Variants in PCDHGA5 observed in about 807,000 individuals in gnomAD.
PCDHGA5 encodes the protein protocadherin gamma-A5.
PCDHGA5 carries 36 observed loss-of-function variants against 56.7 expected under a neutral mutation model. That is an observed-to-expected ratio of 0.64 (90% CI 0.49 to 0.84). The LOEUF (loss-of-function observed/expected upper bound fraction) is 0.84. PCDHGA5 is among the 40% of genes least tolerant of loss of function. PCDHGA5 has a pLI of 0.00. For missense variants in PCDHGA5, 1,305 were observed against 1,201.5 expected (o/e 1.09, Z -1.27); for synonymous variants, 563 against 520.2 (o/e 1.08, Z -1.12).
At chr5:141,395,508 A>G (rs1313015738) in intron 1 of PCDHGA5, 3 of 461,062 alleles carry the variant, frequency 6.5e-6, no homozygotes, top group Non-Finnish European at 1.1e-5. Flanking sequence ...CTTAAGAAGT[A>G]GCTACCCGTC....
chr5:141,469,314 C>T (rs982242861), intron 1 of PCDHGA5, among the ~76,000 whole-genome samples: 3 of 152,100 alleles, frequency 2.0e-5, no homozygotes, highest in Admixed American at 1.3e-4. Context: ...CGATGGCTCA[C>T]GCCTGTAATC....
chr5:141,487,684 C>G lies in PCDHGA5; in HGVS notation c.2422-7123C>G. On this transcript the variant is annotated intron_variant, in intron 1 of 3. Coordinates refer to ENST00000518069, the MANE Select transcript of PCDHGA5 (RefSeq NM_018918.3). The surrounding 1 kb of genome is among the most constrained non-coding windows in gnomAD (Gnocchi z 5.0). ...ATCCAGGCATATGGCTAGGCCATGT[C>G]CTAGAGAGTACTGGCCTCTCAGTAA... is the stretch of plus-strand genomic sequence containing the variant. The G allele has an allele frequency of 6.2e-7, 1 of 1,607,562 alleles. No individual in the cohort carries two copies. Among genetic ancestry groups the G allele is most frequent in the East Asian group, 2.2e-5 (1 of 44,768 alleles).
In PCDHGA5 at chr5:141,418,448, C is replaced by T. The variant is rs1240295197; in HGVS notation, c.2421+51697C>T. On this transcript the variant is annotated intron_variant, in intron 1 of 3. Transcript: ENST00000518069. ...TGGCAAATATCCAGAATTAGTATTG[C>T]AGAAGACTCTGGACCGAGAAACGCA... 1.9e-6 allele frequency: 3 copies of T among 1,613,850 alleles called. No homozygotes were observed. The African/African-American group carries it at 4.0e-5, about 22-fold the overall frequency.
intron 1 of PCDHGA5, among the ~76,000 whole-genome samples, chr5:141,406,791 C>T (rs893207613): frequency 2.0e-5 from 3 of 152,182 alleles, no homozygotes; most frequent in Non-Finnish European, 4.4e-5. Context: ...TATATTATTT[C>T]TGGCTCAATT....
rs1283050252 is a variant in PCDHGA5, at chr5:141,512,909, T to G, written c.*1736T>G. ...CCTCTTCCTGTGTCTCACGCAAGTT[T>G]TATACTCTAATATTTATATGGCTTT... On this transcript the variant is annotated 3_prime_UTR_variant, in exon 4 of 4. Coordinates refer to ENST00000518069, the MANE Select transcript of PCDHGA5 (RefSeq NM_018918.3). 6.6e-6 allele frequency: 1 copy of G among 152,268 alleles called. No homozygotes were observed. The highest frequency in any genetic ancestry group is 1.5e-5 in the Non-Finnish European group (1 of 68,056). 9.4% of individuals were successfully genotyped at this position (152,268 alleles called of 1,614,324 possible).
At chr5:141,437,778 G>C (rs750813139) in intron 1 of PCDHGA5, among the ~76,000 whole-genome samples, 1 of 146,836 alleles carries the variant, frequency 6.8e-6, no homozygotes, top group Non-Finnish European at 1.5e-5. Flanking sequence ...TCAATCTGTC[G>C]CCAAGCTGGA....
chr5:141,464,180 G>T (rs1251683320), intron 1 of PCDHGA5, among the ~76,000 whole-genome samples: 1 of 151,340 alleles, frequency 6.6e-6, no homozygotes, highest in Non-Finnish European at 1.5e-5. Flanking sequence ...CAGGAGAATT[G>T]CTTGATTTCA....
intron 1 of PCDHGA5, among the ~76,000 whole-genome samples, chr5:141,455,899 ATTT>A (rs1561962776): frequency 1.3e-5 from 2 of 148,258 alleles, no homozygotes; most frequent in Non-Finnish European, 3.0e-5. Flanking sequence ...TTATTTATTT[ATTT>A]ATTTATTTAT....
chr5:141,367,545 T>TAAAA (rs1466224811), intron 1 of PCDHGA5: 1 of 145,462 alleles, frequency 6.9e-6, no homozygotes, highest in African/African-American at 2.5e-5. Flanking sequence ...TCAAAATAAA[T>TAAAA]AAATAAATAA....
rs558467940 is a variant in PCDHGA5, at chr5:141,373,761, G to C, written c.2421+7010G>C. Among the ~76,000 whole-genome samples the C allele has an allele frequency of 9.2e-5, 14 of 152,338 alleles. No individual in the cohort carries two copies. The East Asian group carries it at 2.5e-3, about 27-fold the overall frequency. ...ATTATCTTGGGGAGGGAAATATTAT[G>C]AGTGTCATCTCTGCAGATTTAGCAG... On this transcript the variant is annotated intron_variant, in intron 1 of 3. Transcript: ENST00000518069.
In PCDHGA5 at chr5:141,389,258, C is replaced by T. The variant is rs373970987; in HGVS notation, c.2421+22507C>T. The stretch of plus-strand genomic sequence containing the variant: ...TCTCACAGTCTTCCTATATAGTCCA[C>T]GTGGCCGAGAACAACCCGCCTGGAG... On this transcript the variant is annotated intron_variant, in intron 1 of 3. Coordinates refer to ENST00000518069, the MANE Select transcript of PCDHGA5 (RefSeq NM_018918.3). 4 of 1,614,022 alleles carry T rather than the reference C, an allele frequency of 2.5e-6. No homozygotes were observed. The African/African-American group carries it at 4.0e-5, about 16-fold the overall frequency.
In PCDHGA5 at chr5:141,476,343, T is replaced by A; in HGVS notation, c.2422-18464T>A. 1 of 1,614,012 alleles carries A rather than the reference T, an allele frequency of 6.2e-7. No individual in the cohort carries two copies. The highest frequency in any genetic ancestry group is 1.3e-5 in the African/African-American group (1 of 74,984). ...GTGGTGTCTGGAGCTAGCCGAAGAT[T>A]CTTTGAGGTGAACCGGGAGACCGGA... On this transcript the variant is annotated intron_variant, in intron 1 of 3. Transcript: ENST00000518069. This position sits in a 1 kb window ranked among gnomAD's most constrained non-coding sequence, Gnocchi z 7.6.
chr5:141,394,374 G>C, intron 1 of PCDHGA5: 6 of 1,614,172 alleles, frequency 3.7e-6, no homozygotes, highest in Non-Finnish European at 5.1e-6. Context: ...GCAATCTTTC[G>C]ACTATGAGCA....
intron 1 of PCDHGA5, chr5:141,409,186 T>C: frequency 6.2e-7 from 1 of 1,614,042 alleles, no homozygotes; most frequent in Non-Finnish European, 8.5e-7. Flanking sequence ...GTGGTCTCTC[T>C]ACCCAGTGTA....
intron 1 of PCDHGA5, chr5:141,403,099 C>T (rs762392585): frequency 2.5e-6 from 4 of 1,613,938 alleles, no homozygotes; most frequent in Non-Finnish European, 2.5e-6. Flanking sequence ...GCAACATCTC[C>T]AAGGACCTGG....
chr5:141,436,185 A>G (rs1324749623), intron 1 of PCDHGA5, among the ~76,000 whole-genome samples: 1 of 152,142 alleles, frequency 6.6e-6, no homozygotes, highest in Non-Finnish European at 1.5e-5. Flanking sequence ...ATATAGTCAA[A>G]TAGAAAGAAA....
intron 1 of PCDHGA5, among the ~76,000 whole-genome samples, chr5:141,405,806 C>T (rs2094720612): frequency 6.8e-6 from 1 of 146,048 alleles, no homozygotes. Context: ...TTAGCTTTCT[C>T]TTTAACTGTC....
At chr5:141,433,487 C>T (rs1052153936) in intron 1 of PCDHGA5, among the ~76,000 whole-genome samples, 3 of 152,094 alleles carry the variant, frequency 2.0e-5, no homozygotes, top group African/African-American at 7.2e-5. Context: ...TCCTGCTTCT[C>T]CCTCCCAAAC....
intron 1 of PCDHGA5, chr5:141,423,481 C>G: frequency 6.2e-7 from 1 of 1,613,908 alleles, no homozygotes; most frequent in South Asian, 1.1e-5. Context: ...GGCTTTCCTG[C>G]AAACCTATTC....
Sources: gnomAD v4.1 joint callset for allele counts (sites outside exome capture counted in the v4.1 genomes callset) on GRCh38, gnomAD v4.1.1 for gene constraint, Gnocchi (gnomAD v3.1) non-coding constraint, MANE v1.5 for transcripts, NCBI Gene and HGNC (gene_info 2026-07-23, HGNC 2026-07-21) for gene names.